The following ARL15 variants were observed in gnomAD, a reference collection of about 807,000 sequenced individuals.
ARL15 encodes the protein ADP-ribosylation factor-like protein 15.
Under a neutral mutation model 25.2 loss-of-function variants are expected in ARL15, and 19 were observed. The ratio of observed to expected loss-of-function variants is 0.75; its 90% confidence interval spans 0.53 to 1.10. The LOEUF (loss-of-function observed/expected upper bound fraction) is 1.10, where lower values mean the gene tolerates loss of function less well. ARL15 is among the 50% of genes least tolerant of loss of function. The pLI is 0.00. For missense variants in ARL15, 220 were observed against 246.0 expected, an observed-to-expected ratio of 0.89 and a Z score of 0.71; for synonymous variants, 94 against 86.8, an observed-to-expected ratio of 1.08 and a Z score of -0.46.
intron 3 of ARL15, among the ~76,000 whole-genome samples, chr5:54,116,420 CA>C (rs948773614): frequency 6.6e-6 from 1 of 152,112 alleles, no homozygotes; most frequent in African/African-American, 2.4e-5. Context: ...AAACTGGAGG[CA>C]GTGTTACTCG....
intron 4 of ARL15, among the ~76,000 whole-genome samples, chr5:54,058,016 ATTTT>A (rs869259794): frequency 3.2e-4 from 20 of 62,514 alleles, no homozygotes; most frequent in South Asian, 1.2e-3. Flanking sequence ...TTATTTATTT[ATTTT>A]TTTTGACAAA....
intron 4 of ARL15, among the ~76,000 whole-genome samples, chr5:54,027,241 T>C (rs976229319): frequency 1.3e-5 from 2 of 152,206 alleles, no homozygotes; most frequent in African/African-American, 4.8e-5. Context: ...CATGACCAAA[T>C]ATTTTGCACA....
intron 2 of ARL15, among the ~76,000 whole-genome samples, chr5:54,162,984 G>C (rs1360300790): frequency 1.3e-5 from 2 of 152,104 alleles, no homozygotes; most frequent in African/African-American, 2.4e-5. Flanking sequence ...TTCCTGATCT[G>C]ATCAGGAAAC....
At position 53,910,529 on chromosome 5, in the gene ARL15, C is replaced by T. The variant is rs531559330; in HGVS notation, c.463-23816G>A. Among the ~76,000 whole-genome samples the T allele has an allele frequency of 3.3e-5, 5 of 150,738 alleles. No homozygotes were observed. In the South Asian group the frequency reaches 6.3e-4, roughly 19 times the overall value. On this transcript the variant is annotated intron_variant, in intron 4 of 4. Transcript: ENST00000504924. ...TTCTTAGAATTATGGTCTTAAATGA[C>T]GAGTTAATGGGTGCAGCACACCAAA...
At chr5:54,002,526 G>T (rs549592675) in intron 4 of ARL15, among the ~76,000 whole-genome samples, 1 of 152,168 alleles carries the variant, frequency 6.6e-6, no homozygotes, top group Non-Finnish European at 1.5e-5. Context: ...ACACTGTGTT[G>T]AGATATTTTA....
intron 1 of ARL15, among the ~76,000 whole-genome samples, chr5:54,228,806 T>C (rs1341001491): frequency 1.3e-5 from 2 of 152,204 alleles, no homozygotes; most frequent in Non-Finnish European, 2.9e-5. Flanking sequence ...CTAAGAATTC[T>C]TTACTTAAGA....
intron 2 of ARL15, among the ~76,000 whole-genome samples, chr5:54,162,660 A>C (rs1754441550): frequency 6.6e-6 from 1 of 152,142 alleles, no homozygotes; most frequent in African/African-American, 2.4e-5. Context: ...GTTGTCCACC[A>C]CACCCTATCT....
At chr5:54,179,679 T>C (rs1226386478) in intron 1 of ARL15, among the ~76,000 whole-genome samples, 1 of 152,094 alleles carries the variant, frequency 6.6e-6, no homozygotes, top group Non-Finnish European at 1.5e-5. Context: ...TTTGCTTCTT[T>C]CATTTAACCC....
chr5:53,890,333 A>C (rs1440264949), intron 4 of ARL15, among the ~76,000 whole-genome samples: 1 of 152,198 alleles, frequency 6.6e-6, no homozygotes, highest in Non-Finnish European at 1.5e-5. Context: ...TTAAAAAAAA[A>C]ACTGCCTGTG....
intron 1 of ARL15, among the ~76,000 whole-genome samples, chr5:54,247,200 G>C (rs1354101172): frequency 6.7e-6 from 1 of 148,840 alleles, no homozygotes; most frequent in Admixed American, 6.8e-5. Context: ...AAGTAACCTA[G>C]AAATTAAGGA....
At chr5:54,014,714 C>T (rs190339414) in intron 4 of ARL15, among the ~76,000 whole-genome samples, 39 of 151,814 alleles carry the variant, frequency 2.6e-4, no homozygotes, top group East Asian at 1.2e-3. Context: ...TTAATAGAGA[C>T]GGGGTTTCGC....
At position 54,093,368 on chromosome 5, in the gene ARL15, G is replaced by A. The variant is rs566411001; in HGVS notation, c.462+19834C>T. Among the ~76,000 whole-genome samples, 19 of 152,292 alleles carry A rather than the reference G, an allele frequency of 1.2e-4. No individual in the cohort carries two copies. The South Asian group carries it at 3.9e-3, about 32-fold the overall frequency. ...AGACCAAAGAAAGCACCCCAAACCTGGCCTGACATGAACCGAGAAAACTTG... is the reference window on the plus strand; with the variant it reads ...AGACCAAAGAAAGCACCCCAAACCTAGCCTGACATGAACCGAGAAAACTTG... On this transcript the variant is annotated intron_variant, in intron 4 of 4. Coordinates refer to ENST00000504924, the MANE Select transcript of ARL15 (RefSeq NM_019087.3).
intron 4 of ARL15, among the ~76,000 whole-genome samples, chr5:53,991,323 C>T (rs946608837): frequency 5.9e-5 from 9 of 152,022 alleles, no homozygotes; most frequent in Non-Finnish European, 1.0e-4. Flanking sequence ...AGGCAGATCA[C>T]CTGAGGTAAG....
chr5:54,010,827 G>A (rs577315951), intron 4 of ARL15, among the ~76,000 whole-genome samples: 1 of 151,938 alleles, frequency 6.6e-6, no homozygotes, highest in Non-Finnish European at 1.5e-5. Context: ...GTGAAACCCC[G>A]TCTCTACTGA....
intron 1 of ARL15, among the ~76,000 whole-genome samples, chr5:54,185,205 A>G (rs1707938244): frequency 6.6e-6 from 1 of 152,200 alleles, no homozygotes; most frequent in African/African-American, 2.4e-5. Context: ...ACCTCCATGC[A>G]GTTTCTGATC....
chr5:54,135,609 A>G (rs1301118052), intron 3 of ARL15, among the ~76,000 whole-genome samples: 2 of 152,180 alleles, frequency 1.3e-5, no homozygotes, highest in Non-Finnish European at 1.5e-5. Flanking sequence ...CATTTTAGTA[A>G]ATTATAATGA....
At chr5:54,096,033 T>C (rs998782974) in intron 4 of ARL15, among the ~76,000 whole-genome samples, 1 of 152,176 alleles carries the variant, frequency 6.6e-6, no homozygotes, top group African/African-American at 2.4e-5. Context: ...CTTGCATAAT[T>C]TATTACTTCA....
intron 1 of ARL15, among the ~76,000 whole-genome samples, chr5:54,180,036 A>G (rs1014613696): frequency 2.5e-4 from 37 of 147,896 alleles, no homozygotes; most frequent in South Asian, 1.1e-3. Context: ...AAAAAAAAAA[A>G]AGAGAAGCCC....
intron 4 of ARL15, among the ~76,000 whole-genome samples, chr5:54,016,915 G>A (rs925418961): frequency 6.6e-5 from 10 of 152,114 alleles, no homozygotes; most frequent in South Asian, 2.1e-4. Context: ...TTTTGAGAAC[G>A]GAGAGATCGA....
Sources: allele counts gnomAD v4.1 joint callset (sites outside exome capture counted in the v4.1 genomes callset), GRCh38; gene constraint gnomAD v4.1.1; transcripts MANE v1.5; gene names NCBI Gene and HGNC (gene_info 2026-07-23, HGNC 2026-07-21).